The following TNS3 variants were observed in gnomAD, a reference collection of about 807,000 sequenced individuals.
TNS3 encodes the protein tensin 3, also known as tensin-3.
In TNS3, 45 loss-of-function variants were observed where a neutral mutation model predicts 140.9. That is an observed-to-expected ratio of 0.32 (90% CI 0.25 to 0.41). The LOEUF (loss-of-function observed/expected upper bound fraction) is 0.41. Ranked by LOEUF, TNS3 falls within the 10% of genes least tolerant of loss-of-function variation. The pLI is 1.00. For synonymous variants in TNS3, 815 were observed against 788.4 expected (o/e 1.03, Z -0.56); for missense variants, 1,716 against 1,906.7 (o/e 0.90, Z 1.86).
intron 4 of TNS3, among the ~76,000 whole-genome samples, chr7:47,458,220 G>C (rs1796337734): frequency 6.6e-6 from 1 of 152,180 alleles, no homozygotes; most frequent in Admixed American, 6.5e-5. Context: ...CGTCTGCCCA[G>C]GATGAGTGCT....
At chr7:47,557,843 C>A (rs1290155070) in intron 1 of TNS3, among the ~76,000 whole-genome samples, 1 of 152,180 alleles carries the variant, frequency 6.6e-6, no homozygotes, top group African/African-American at 2.4e-5. Flanking sequence ...TGAACCACGC[C>A]TTACTGGATT....
At chr7:47,556,274 A>AC (rs1800193472) in intron 1 of TNS3, among the ~76,000 whole-genome samples, 2 of 152,208 alleles carry the variant, frequency 1.3e-5, no homozygotes, top group Admixed American at 1.3e-4. Context: ...TCAAAACGTG[A>AC]TTTTTAAAAA....
chr7:47,371,678 G>C (rs183451302), intron 16 of TNS3, among the ~76,000 whole-genome samples: 1 of 150,296 alleles, frequency 6.7e-6, no homozygotes, highest in African/African-American at 2.5e-5. Flanking sequence ...GGAAAGACTG[G>C]AAAGACTGGA....
chr7:47,372,783 C>T (rs1239779935), intron 16 of TNS3, among the ~76,000 whole-genome samples: 1 of 152,230 alleles, frequency 6.6e-6, no homozygotes, highest in Admixed American at 6.5e-5. Context: ...TCCAATCCAA[C>T]TGTGTCCAGT....
intron 10 of TNS3, among the ~76,000 whole-genome samples, chr7:47,421,518 C>T (rs536518029): frequency 8.5e-4 from 130 of 152,056 alleles, no homozygotes; most frequent in African/African-American, 3.0e-3. Context: ...AGGGATTGTC[C>T]GGCCTCAGCC....
At chr7:47,458,054 C>A (rs1358769610) in intron 4 of TNS3, among the ~76,000 whole-genome samples, 1 of 152,204 alleles carries the variant, frequency 6.6e-6, no homozygotes, top group Non-Finnish European at 1.5e-5. Context: ...TGAGACAGTA[C>A]GTCTCATGCC....
At chr7:47,357,267 T>C (rs1790047190) in intron 17 of TNS3, among the ~76,000 whole-genome samples, 1 of 152,168 alleles carries the variant, frequency 6.6e-6, no homozygotes. Context: ...AAGCGCGACA[T>C]CACACAGGTG....
chr7:47,346,608 A>G (rs1489155322), intron 17 of TNS3, among the ~76,000 whole-genome samples: 1 of 152,186 alleles, frequency 6.6e-6, no homozygotes, highest in Non-Finnish European at 1.5e-5. Context: ...TCCTTCCAGA[A>G]CAGGCCACTT....
chr7:47,285,500 A>C (rs1785369800), intron 27 of TNS3, among the ~76,000 whole-genome samples: 1 of 152,188 alleles, frequency 6.6e-6, no homozygotes, highest in South Asian at 2.1e-4. Context: ...CCACCATGTA[A>C]GATGTGCCTT....
intron 1 of TNS3, among the ~76,000 whole-genome samples, chr7:47,530,838 A>AAAAAAATATATATATATATATATATATAT: frequency 1.8e-5 from 1 of 54,564 alleles, no homozygotes; most frequent in African/African-American, 7.9e-5. Flanking sequence ...AAAAAAAAAA[A>AAAAAAATATATATATATATATATATATAT]ATATATATAT....
chr7:47,278,489 T>G, intron 30 of TNS3: 1 of 399,654 alleles, frequency 2.5e-6, no homozygotes, highest in South Asian at 5.1e-5. Flanking sequence ...GGTTAGGACC[T>G]GAATCAAAGC....
At chr7:47,572,769 A>C (rs769310536) in intron 1 of TNS3, among the ~76,000 whole-genome samples, 8 of 152,008 alleles carry the variant, frequency 5.3e-5, no homozygotes, top group Non-Finnish European at 1.0e-4. Flanking sequence ...CCAGCTATGG[A>C]GGCTGAGGCA....
chr7:47,341,811 T>A (rs1268674605), intron 20 of TNS3, among the ~76,000 whole-genome samples: 1 of 152,068 alleles, frequency 6.6e-6, no homozygotes, highest in African/African-American at 2.4e-5. Flanking sequence ...GAGCATAAAC[T>A]ATTCATTTCA....
At chr7:47,532,065 C>T (rs960965260) in intron 1 of TNS3, among the ~76,000 whole-genome samples, 8 of 30,550 alleles carry the variant, frequency 2.6e-4, no homozygotes, top group Non-Finnish European at 6.0e-4. Context: ...CATGGGAAGC[C>T]CCCCCCCGCC....
intron 27 of TNS3, among the ~76,000 whole-genome samples, chr7:47,289,439 G>A (rs1361553323): frequency 6.6e-6 from 1 of 152,166 alleles, no homozygotes; most frequent in Non-Finnish European, 1.5e-5. Flanking sequence ...AGAACCACAA[G>A]AGCCCTATGG....
At chr7:47,409,605 A>ATGAGGGC (rs757888816) in intron 13 of TNS3, among the ~76,000 whole-genome samples, 64 of 151,844 alleles carry the variant, frequency 4.2e-4, no homozygotes, top group Admixed American at 7.2e-4. Flanking sequence ...CGCAAACAAG[A>ATGAGGGC]TGAGGGCGGG....
chr7:47,547,730 T>C (rs147391885), intron 1 of TNS3, among the ~76,000 whole-genome samples: 8 of 152,266 alleles, frequency 5.3e-5, no homozygotes, highest in African/African-American at 1.9e-4. Context: ...TTCTCATCAG[T>C]GCATAGCTGC....
At chr7:47,406,378 A>G (rs933276263) in intron 13 of TNS3, among the ~76,000 whole-genome samples, 3 of 152,184 alleles carry the variant, frequency 2.0e-5, no homozygotes, top group African/African-American at 7.2e-5. Flanking sequence ...TTCCCAAGTC[A>G]CTTTCTGCAG....
chr7:47,426,189 G>C (rs1373477632), intron 9 of TNS3, among the ~76,000 whole-genome samples: 1 of 152,110 alleles, frequency 6.6e-6, no homozygotes, highest in African/African-American at 2.4e-5. Context: ...GGCTGAGGCA[G>C]GAGAATCACT....
Sources: gnomAD v4.1 joint callset for allele counts (sites outside exome capture counted in the v4.1 genomes callset) on GRCh38, gnomAD v4.1.1 for gene constraint, MANE v1.5 for transcripts, NCBI Gene and HGNC (gene_info 2026-07-23, HGNC 2026-07-21) for gene names.